The following AFF3 variants were observed in gnomAD, a reference collection of about 807,000 sequenced individuals.
The protein encoded by AFF3 is AF4/FMR2 family member 3.
AFF3 carries 32 observed loss-of-function variants against 129.7 expected under a neutral mutation model. The observed-to-expected ratio is 0.25, with a 90% CI of 0.19 to 0.33. The LOEUF (loss-of-function observed/expected upper bound fraction) is 0.33. AFF3 is among the 10% of genes least tolerant of loss of function. The pLI is 1.00. For synonymous variants in AFF3, 644 were observed against 635.4 expected, an observed-to-expected ratio of 1.01 and a Z score of -0.20; for missense variants, 1,373 against 1,592.0, an observed-to-expected ratio of 0.86 and a Z score of 2.34.
At chr2:100,084,131 GA>G (rs978867962) in intron 4 of AFF3, among the ~76,000 whole-genome samples, 3 of 151,876 alleles carry the variant, frequency 2.0e-5, no homozygotes, top group African/African-American at 4.8e-5. Context: ...AAATAGCTTA[GA>G]AAAAAAAGTA....
chr2:99,846,870 C>T (rs1209195009), intron 7 of AFF3, among the ~76,000 whole-genome samples: 4 of 152,214 alleles, frequency 2.6e-5, no homozygotes, highest in Non-Finnish European at 5.9e-5. Flanking sequence ...ACCTTCCCCA[C>T]GGGGTCTCAG....
intron 4 of AFF3, among the ~76,000 whole-genome samples, chr2:100,042,911 C>G (rs1685551648): frequency 6.6e-6 from 1 of 152,034 alleles, no homozygotes; most frequent in African/African-American, 2.4e-5. Context: ...TTTTTAAAGA[C>G]CACTTGTCTA....
intron 8 of AFF3, among the ~76,000 whole-genome samples, chr2:99,758,009 G>T (rs1363313969): frequency 1.3e-5 from 2 of 152,104 alleles, no homozygotes; most frequent in Non-Finnish European, 2.9e-5. Flanking sequence ...TTTTTTGTCT[G>T]GTGGCCCAGC....
chr2:99,648,917 A>ACACACACACACACACACACACTCT, intron 13 of AFF3, among the ~76,000 whole-genome samples: 2 of 46,872 alleles, frequency 4.3e-5, no homozygotes, highest in African/African-American at 1.3e-4. Context: ...ACACACACAC[A>ACACACACACACACACACACACTCT]CTCTCTCTCT....
chr2:100,062,136 G>A (rs1369774194), intron 4 of AFF3, among the ~76,000 whole-genome samples: 1 of 152,170 alleles, frequency 6.6e-6, no homozygotes, highest in Non-Finnish European at 1.5e-5. Context: ...CTTCCAGGGG[G>A]TCAGATGGAC....
intron 11 of AFF3, among the ~76,000 whole-genome samples, chr2:99,685,691 A>G (rs1020511156): frequency 1.3e-5 from 2 of 152,254 alleles, no homozygotes; most frequent in African/African-American, 4.8e-5. Flanking sequence ...GCAAGAAAAA[A>G]AATTCCTGTG....
intron 11 of AFF3, among the ~76,000 whole-genome samples, chr2:99,696,111 C>T (rs1676241586): frequency 6.6e-6 from 1 of 151,956 alleles, no homozygotes; most frequent in Non-Finnish European, 1.5e-5. Flanking sequence ...GCTGTCCAAA[C>T]CCATTCAGAC....
intron 7 of AFF3, among the ~76,000 whole-genome samples, chr2:99,967,942 C>T (rs1470404507): frequency 6.6e-6 from 1 of 152,216 alleles, no homozygotes; most frequent in Non-Finnish European, 1.5e-5. Flanking sequence ...ACAGGATTGT[C>T]TCACTTTCAA....
chr2:100,115,266 A>G (rs182097065), intron 2 of AFF3, among the ~76,000 whole-genome samples: 63 of 152,286 alleles, frequency 4.1e-4, no homozygotes, highest in African/African-American at 1.4e-3. Context: ...TGTGTATACC[A>G]GCCAGGAGTG....
chr2:99,741,171 C>T lies in AFF3; in HGVS notation c.1039+2933G>A, dbSNP rs557925400. On this transcript the variant is annotated intron_variant, in intron 10 of 24. Coordinates refer to ENST00000672756, the MANE Select transcript of AFF3 (RefSeq NM_001386135.1). ...TGAAAACTGGCACAAGACAGGGATG[C>T]CCTCTCTCATCACTCCTATTCAACA... Among the ~76,000 whole-genome samples the T allele has an allele frequency of 2.0e-5, 3 of 152,288 alleles. No homozygotes were observed. The South Asian group carries it at 6.2e-4, about 32-fold the overall frequency.
intron 7 of AFF3, among the ~76,000 whole-genome samples, chr2:99,842,256 A>G (rs1485204967): frequency 6.6e-6 from 1 of 152,090 alleles, no homozygotes. Context: ...TTTCAGCTGC[A>G]GTTGTGTGCT....
At position 100,092,766 on chromosome 2, in the gene AFF3, CCTTT is replaced by C. The variant is rs1266991378; in HGVS notation, c.53+11632_53+11635del. On this transcript the variant is annotated intron_variant, in intron 4 of 24. Transcript: ENST00000672756. ...CCCAGCCTGGCTAACTCTTATCCTT[CCTTT>C]AAGACTGCAATCAGATGTCACTTTC... is the stretch of plus-strand genomic sequence containing the variant. 1.5e-4 allele frequency among the ~76,000 whole-genome samples: 23 copies of C among 152,036 alleles called. 1 individual carries two copies. The highest frequency in any genetic ancestry group is 7.9e-4 in the Admixed American group (12 of 15,274).
intron 7 of AFF3, among the ~76,000 whole-genome samples, chr2:99,869,469 A>T (rs1407088863): frequency 6.6e-6 from 1 of 152,200 alleles, no homozygotes; most frequent in Non-Finnish European, 1.5e-5. Context: ...ATGATTTGAT[A>T]GGCTCGCTAC....
chr2:99,725,419 T>A (rs1366330168), intron 11 of AFF3, among the ~76,000 whole-genome samples: 2 of 152,228 alleles, frequency 1.3e-5, no homozygotes, highest in African/African-American at 4.8e-5. Context: ...AGTGGCATGA[T>A]CCTGGGTTTA....
At chr2:99,651,212 A>T (rs1340853234) in intron 12 of AFF3, among the ~76,000 whole-genome samples, 1 of 148,824 alleles carries the variant, frequency 6.7e-6, no homozygotes, top group African/African-American at 2.5e-5. Flanking sequence ...TCTCCATCGG[A>T]TTCTCCCAAG....
chr2:99,621,101 CCGAATTTCCAA>C (rs1681957538), intron 13 of AFF3, among the ~76,000 whole-genome samples: 1 of 152,210 alleles, frequency 6.6e-6, no homozygotes, highest in African/African-American at 2.4e-5. Context: ...GATGCCTAAC[CCGAATTTCCAA>C]CTAGAAGCTG....
chr2:99,757,951 C>A (rs554373875), intron 8 of AFF3, among the ~76,000 whole-genome samples: 2 of 152,192 alleles, frequency 1.3e-5, no homozygotes, highest in East Asian at 3.9e-4. Context: ...CTTGTTTATA[C>A]ATCAGTGCCT....
At chr2:99,602,196 C>T (rs1679902619) in intron 13 of AFF3, among the ~76,000 whole-genome samples, 1 of 152,158 alleles carries the variant, frequency 6.6e-6, no homozygotes, top group South Asian at 2.1e-4. Flanking sequence ...CCTCCCTTTT[C>T]CCACCTGTAG....
At chr2:100,067,277 TTCCAG>T (rs537789681) in intron 4 of AFF3, among the ~76,000 whole-genome samples, 112 of 152,236 alleles carry the variant, frequency 7.4e-4, no homozygotes, top group Admixed American at 5.9e-3. Flanking sequence ...AGCTTATTTT[TTCCAG>T]TCCAATATAC....
Sources: gnomAD v4.1 joint callset for allele counts (sites outside exome capture counted in the v4.1 genomes callset) on GRCh38, gnomAD v4.1.1 for gene constraint, MANE v1.5 for transcripts, NCBI Gene and HGNC (gene_info 2026-07-23, HGNC 2026-07-21) for gene names.